KIAA2012: variants seen among roughly 807,000 people sequenced by gnomAD.
KIAA2012 encodes uncharacterized protein KIAA2012.
A neutral mutation model predicts 150.6 loss-of-function variants in KIAA2012; 125 were observed. That is an observed-to-expected ratio of 0.83 (90% CI 0.72 to 0.96). The LOEUF (loss-of-function observed/expected upper bound fraction) is 0.96. Among genes scored for constraint, KIAA2012 ranks in the 40% least tolerant of loss-of-function variants. The probability of loss-of-function intolerance (pLI) is 0.00; values close to 1 mark genes in which losing one functional copy is unlikely to be tolerated. For missense variants in KIAA2012, 1,219 were observed against 1,354.9 expected (o/e 0.90, Z 1.57); for synonymous variants, 462 against 504.7 (o/e 0.92, Z 1.13).
At chr2:202,174,546 T>C (rs1207618884) in intron 15 of KIAA2012, among the ~76,000 whole-genome samples, 3 of 152,122 alleles carry the variant, frequency 2.0e-5, no homozygotes, top group Admixed American at 6.6e-5. Flanking sequence ...GTGTAAAAAA[T>C]AGTGTTTGAA....
intron 12 of KIAA2012, among the ~76,000 whole-genome samples, chr2:202,131,143 T>C (rs1406224681): frequency 6.6e-6 from 1 of 152,106 alleles, no homozygotes; most frequent in South Asian, 2.1e-4. Context: ...TATGTTTTTT[T>C]GTTTGTTTGT....
At chr2:202,084,529 G>A (rs1331509745) in intron 2 of KIAA2012, among the ~76,000 whole-genome samples, 1 of 152,252 alleles carries the variant, frequency 6.6e-6, no homozygotes, top group Admixed American at 6.5e-5. Context: ...ACTCATTGCA[G>A]AAGAAACCCG....
Position 202,188,159 on chromosome 2 carries a change from A to T in KIAA2012, c.2384A>T (p.Asp795Val). 1 of 1,550,200 alleles carries T rather than the reference A, an allele frequency of 6.5e-7. No homozygotes were observed. The highest frequency in any genetic ancestry group is 1.2e-5 in the South Asian group (1 of 84,034). ...TTGATTTTTCACCTTTAGGAGAGGG[A>T]TTTGATTAACGAGGCCAAGAGAAAG... ...ETSANISHER[D>V]LINEAKRKEK... The change falls in exon 18 of 24, where the codon GAT becomes GTT. Residue 795 changes from aspartate to valine, a missense_variant. Coordinates refer to ENST00000498697, the MANE Select transcript of KIAA2012 (RefSeq NM_001277372.4).
rs1348440741 is a variant in KIAA2012, at chr2:202,202,576, G to A, written c.*9G>A. ...AAATACCCAGGCCTTAAGGCTAGAAGAAAACTAAAAAGTAAGTTGGGAGAT... is the reference window on the plus strand; with the variant it reads ...AAATACCCAGGCCTTAAGGCTAGAAAAAAACTAAAAAGTAAGTTGGGAGAT... On this transcript the variant is annotated 3_prime_UTR_variant, in exon 23 of 24. Transcript: ENST00000498697. 1 of 398,886 alleles carries A rather than the reference G, an allele frequency of 2.5e-6. No individual in the cohort carries two copies. The highest frequency in any genetic ancestry group is 4.4e-6 in the Non-Finnish European group (1 of 226,034). The allele number at this position is 398,886 out of a possible 1,614,324, so 24.7% of individuals were successfully genotyped here. A position where few individuals can be genotyped will look rare whatever the true frequency, so the allele number is the denominator to read the frequency against.
At position 202,100,459 on chromosome 2, in the gene KIAA2012, A is replaced by T. The variant is rs1690014957; in HGVS notation, c.1155+10A>T. 1 of 1,547,684 alleles carries T rather than the reference A, an allele frequency of 6.5e-7. No individual in the cohort carries two copies. On this transcript the variant is annotated intron_variant, in intron 7 of 23. Coordinates refer to ENST00000498697, the MANE Select transcript of KIAA2012 (RefSeq NM_001277372.4). ...AGTGAAGAAGAAAAAGGTTGTGTGT[A>T]TATGTATGTTTGTGCATACAGGAGA...
intron 15 of KIAA2012, among the ~76,000 whole-genome samples, chr2:202,173,060 G>C: frequency 6.6e-6 from 1 of 152,202 alleles, no homozygotes; most frequent in East Asian, 1.9e-4. Context: ...GAAGTAGGAA[G>C]TGGTGCACGC....
intron 11 of KIAA2012, among the ~76,000 whole-genome samples, chr2:202,122,138 A>G (rs1690668146): frequency 6.6e-6 from 1 of 152,242 alleles, no homozygotes; most frequent in Admixed American, 6.5e-5. Context: ...GGGCCAGACC[A>G]GGGAAAGCCT....
chr2:202,182,514 G>A (rs1311206450), intron 15 of KIAA2012, among the ~76,000 whole-genome samples: 1 of 152,102 alleles, frequency 6.6e-6, no homozygotes, highest in African/African-American at 2.4e-5. Context: ...TTTTACTGCT[G>A]AGTTGTATTG....
chr2:202,190,924 G>A (rs1020495215), intron 19 of KIAA2012, among the ~76,000 whole-genome samples: 5 of 152,270 alleles, frequency 3.3e-5, no homozygotes, highest in African/African-American at 9.6e-5. Flanking sequence ...CCTAATCTGC[G>A]TTTCTGCGGT....
chr2:202,172,720 C>T (rs768156202), intron 15 of KIAA2012, among the ~76,000 whole-genome samples: 10 of 152,184 alleles, frequency 6.6e-5, no homozygotes, highest in Non-Finnish European at 1.3e-4. Flanking sequence ...TGAGGAGTAG[C>T]CAGTGCTGGA....
rs140840466 is a variant in KIAA2012 at position 202,121,095 on chromosome 2, G to A, written c.1763-4119G>A. Reference sequence around the variant, plus strand: ...GAAACTGTTTGCCCTTCCCCTCCTCGTTCTCCTTGGACTTGGTCGTGGTAA... The same window carrying A: ...GAAACTGTTTGCCCTTCCCCTCCTCATTCTCCTTGGACTTGGTCGTGGTAA... On this transcript the variant is annotated intron_variant, in intron 11 of 23. Transcript: ENST00000498697. Among the ~76,000 whole-genome samples the A allele has an allele frequency of 1.1e-3, 173 of 152,200 alleles. 1 individual carries two copies. Among genetic ancestry groups the A allele is most frequent in the African/African-American group, 3.8e-3 (157 of 41,524 alleles).
rs754844492 is a variant in KIAA2012 at position 202,125,878 on chromosome 2, T to G, written c.1831+596T>G. 7.1e-4 allele frequency: 320 copies of G among 449,120 alleles called. 1 individual carries two copies. The highest frequency in any genetic ancestry group is 1.0e-3 in the Non-Finnish European group (226 of 224,582). The allele number at this position is 449,120 out of a possible 1,614,324, so 27.8% of individuals were successfully genotyped here. A position where few individuals can be genotyped will look rare whatever the true frequency, so the allele number is the denominator to read the frequency against. On this transcript the variant is annotated intron_variant, in intron 12 of 23. Transcript: ENST00000498697. ...AGGGAAGGATGATGACCTGGAGACTTTCTCTCCTAAAAATAGTCTTTGATT... is the reference window on the plus strand; with the variant it reads ...AGGGAAGGATGATGACCTGGAGACTGTCTCTCCTAAAAATAGTCTTTGATT...
chr2:202,182,231 C>CTA (rs1692135787), intron 15 of KIAA2012, among the ~76,000 whole-genome samples: 2 of 151,254 alleles, frequency 1.3e-5, no homozygotes, highest in Non-Finnish European at 2.9e-5. Flanking sequence ...TCTGCCTCAG[C>CTA]CTCCCGAGTA....
intron 3 of KIAA2012, 109 bp downstream of exon 3, chr2:202,091,038 T>C: frequency 7.2e-7 from 1 of 1,395,264 alleles, no homozygotes; most frequent in Non-Finnish European, 9.5e-7. Context: ...TCAAGCCCAA[T>C]TCTGTGTTAA....
chr2:202,188,146 C>T lies in KIAA2012; in HGVS notation c.2377-6C>T. 6.5e-7 allele frequency: 1 copy of T among 1,547,942 alleles called. No homozygotes were observed. The highest frequency in any genetic ancestry group is 8.7e-7 in the Non-Finnish European group (1 of 1,145,578). On this transcript the variant is annotated splice_polypyrimidine_tract_variant and splice_region_variant and intron_variant, in intron 17 of 23. Coordinates refer to ENST00000498697, the MANE Select transcript of KIAA2012 (RefSeq NM_001277372.4). Reference sequence around the variant, plus strand: ...ATGGTCCCCTTCCTTGATTTTTCACCTTTAGGAGAGGGATTTGATTAACGA... The same window carrying T: ...ATGGTCCCCTTCCTTGATTTTTCACTTTTAGGAGAGGGATTTGATTAACGA...
Position 202,109,741 on chromosome 2 carries a change from A to T in KIAA2012, c.1603A>T (p.Ser535Cys), listed in dbSNP as rs548499163. The T allele has an allele frequency of 2.2e-4, 335 of 1,550,286 alleles. 2 individuals carry two copies. In the African/African-American group the frequency reaches 4.2e-3, roughly 19 times the overall value. The change falls in exon 10 of 24, where the codon AGT (serine) becomes TGT (cysteine). Residue 535 changes from serine to cysteine, a missense_variant. Coordinates refer to ENST00000498697, the MANE Select transcript of KIAA2012 (RefSeq NM_001277372.4). ...GACATCAGACCACAACAGCCCCCCA[A>T]GTCTCCCGAACATGAGAGTGCCCAG... is the stretch of plus-strand genomic sequence containing the variant. ...PRTSDHNSPP[S>C]LPNMRVPRRA...
intron 12 of KIAA2012, among the ~76,000 whole-genome samples, chr2:202,127,809 C>A (rs1407908656): frequency 6.6e-6 from 1 of 152,094 alleles, no homozygotes; most frequent in Non-Finnish European, 1.5e-5. Context: ...TTTTTAATTG[C>A]GGTAAAATAC....
At chr2:202,085,221 G>C (rs1480888076) in intron 2 of KIAA2012, among the ~76,000 whole-genome samples, 1 of 152,188 alleles carries the variant, frequency 6.6e-6, no homozygotes, top group East Asian at 1.9e-4. Flanking sequence ...AAGAGAATGT[G>C]GTAGACAGGA....
At chr2:202,164,973 C>T (rs1474392852) in intron 14 of KIAA2012, among the ~76,000 whole-genome samples, 1 of 151,756 alleles carries the variant, frequency 6.6e-6, no homozygotes, top group Non-Finnish European at 1.5e-5. Context: ...AGTCCAGGGT[C>T]TTGCTATGTT....
Sources: allele counts gnomAD v4.1 joint callset (sites outside exome capture counted in the v4.1 genomes callset), GRCh38; gene constraint gnomAD v4.1.1; transcripts MANE v1.5; gene names NCBI Gene and HGNC (gene_info 2026-07-23, HGNC 2026-07-21).